TBX15: variants seen among roughly 807,000 people sequenced by gnomAD.
TBX15 encodes the protein T-box transcription factor 15, also known as T-box transcription factor TBX15.
A neutral mutation model predicts 53.9 loss-of-function variants in TBX15; 18 were observed. The ratio of observed to expected loss-of-function variants is 0.33; its 90% CI spans 0.23 to 0.49. The LOEUF is 0.49. TBX15 is among the 20% of genes least tolerant of loss of function. TBX15 has a pLI of 0.98. For synonymous variants in TBX15, 295 were observed against 278.0 expected, an observed-to-expected ratio of 1.06 and a Z score of -0.61; for missense variants, 692 against 749.5, an observed-to-expected ratio of 0.92 and a Z score of 0.90.
chr1:118,930,088 AAGAGAGCTCC>A (rs1655731061), intron 2 of TBX15, among the ~76,000 whole-genome samples: 1 of 152,214 alleles, frequency 6.6e-6, no homozygotes, highest in Admixed American at 6.5e-5. Context: ...TGAGAGAAGG[AAGAGAGCTCC>A]AGAAAAGAAA....
chr1:118,953,802 G>T (rs61806207), intron 1 of TBX15, among the ~76,000 whole-genome samples: 1 of 152,216 alleles, frequency 6.6e-6, no homozygotes, highest in Non-Finnish European at 1.5e-5. Context: ...CCCCTACAAA[G>T]GTAGACATTA....
intron 1 of TBX15, among the ~76,000 whole-genome samples, chr1:118,981,265 C>A (rs1657636843): frequency 6.6e-6 from 1 of 151,672 alleles, no homozygotes; most frequent in Non-Finnish European, 1.5e-5. Flanking sequence ...AACTTTTGGC[C>A]TCCCAAATTT....
chr1:118,928,131 T>C (rs1655659979), intron 2 of TBX15, among the ~76,000 whole-genome samples: 1 of 152,174 alleles, frequency 6.6e-6, no homozygotes, highest in South Asian at 2.1e-4. Flanking sequence ...CACTCACTAC[T>C]CATCCAGGAG....
intron 1 of TBX15, 56 bp from the exon 2 acceptor site, chr1:118,931,888 T>C (rs1655799302): frequency 3.9e-6 from 6 of 1,520,706 alleles, no homozygotes; most frequent in Non-Finnish European, 5.3e-6. Context: ...CCCTCACCCA[T>C]GGCCCTAAAA....
chr1:118,908,160 C>T (rs928670090), intron 6 of TBX15, among the ~76,000 whole-genome samples: 1 of 152,146 alleles, frequency 6.6e-6, no homozygotes, highest in African/African-American at 2.4e-5. Flanking sequence ...TGGGATAGGG[C>T]TTTCTTTCTC....
At chr1:118,986,100 G>C (rs1376383613) in intron 1 of TBX15, among the ~76,000 whole-genome samples, 5 of 152,220 alleles carry the variant, frequency 3.3e-5, no homozygotes, top group Non-Finnish European at 5.9e-5. Flanking sequence ...TTCCGCCGTG[G>C]GGAAAATAAA....
Position 118,958,219 on chromosome 1 carries a change from C to A in TBX15, c.206-26387G>T, listed in dbSNP as rs531950751. On this transcript the variant is annotated intron_variant, in intron 1 of 7. Transcript: ENST00000369429. ...AGGGGTTGGTCCAGTGGGATTAGTG[C>A]CCCTATAAGAAGAGGCAGCAGAGAG... Among the ~76,000 whole-genome samples, 11 of 152,198 alleles carry A rather than the reference C, an allele frequency of 7.2e-5. No homozygotes were observed. The East Asian group carries it at 1.9e-3, about 27-fold the overall frequency.
At chr1:118,950,977 G>T (rs1656495474) in intron 1 of TBX15, among the ~76,000 whole-genome samples, 3 of 152,142 alleles carry the variant, frequency 2.0e-5, no homozygotes, top group Admixed American at 1.3e-4. Context: ...GGCATCTACT[G>T]CCCCCAAAAG....
At chr1:118,975,382 CCTCT>C (rs1190866769) in intron 1 of TBX15, among the ~76,000 whole-genome samples, 1 of 152,130 alleles carries the variant, frequency 6.6e-6, no homozygotes, top group Non-Finnish European at 1.5e-5. Flanking sequence ...CTATAAATAA[CCTCT>C]CTCTCATTCA....
chr1:118,981,303 TACAC>T (rs35594301), intron 1 of TBX15, among the ~76,000 whole-genome samples: 4,091 of 146,780 alleles, frequency 0.028, 156 homozygotes, highest in African/African-American at 0.087. Context: ...TTAAACTAGC[TACAC>T]ACACACACAC....
intron 5 of TBX15, among the ~76,000 whole-genome samples, chr1:118,916,163 A>T (rs548824520): frequency 6.6e-6 from 1 of 152,300 alleles, no homozygotes; most frequent in South Asian, 2.1e-4. Flanking sequence ...TTCCTCAAGG[A>T]GCTTATAATC....
chr1:118,979,072 G>A (rs73009558), intron 1 of TBX15, among the ~76,000 whole-genome samples: 1 of 152,296 alleles, frequency 6.6e-6, no homozygotes. Flanking sequence ...AAGCTTTGGA[G>A]CAAGGATGCA....
At chr1:118,923,879 G>A (rs1187578104) in intron 4 of TBX15, among the ~76,000 whole-genome samples, 2 of 152,154 alleles carry the variant, frequency 1.3e-5, no homozygotes, top group Non-Finnish European at 2.9e-5. Flanking sequence ...TAGTACCAAT[G>A]GACATGTCAC....
At chr1:118,974,699 T>A (rs1001942779) in intron 1 of TBX15, among the ~76,000 whole-genome samples, 1 of 152,184 alleles carries the variant, frequency 6.6e-6, no homozygotes, top group Non-Finnish European at 1.5e-5. Context: ...TGCAAATAAC[T>A]GCTACCATAC....
At chr1:118,916,646 C>T (rs1315583564) in intron 5 of TBX15, among the ~76,000 whole-genome samples, 1 of 152,018 alleles carries the variant, frequency 6.6e-6, no homozygotes, top group Non-Finnish European at 1.5e-5. Context: ...GATGGATTGC[C>T]TGAGCTCAGG....
intron 1 of TBX15, among the ~76,000 whole-genome samples, chr1:118,945,061 C>T (rs1033055218): frequency 5.3e-5 from 8 of 152,088 alleles, no homozygotes; most frequent in Admixed American, 1.3e-4. Flanking sequence ...GCTTGCAATA[C>T]GTAGCAGGGG....
At chr1:118,988,468 AGC>A (rs1657921742), upstream of TBX15, 1 of 152,342 alleles carries the variant, frequency 6.6e-6, no homozygotes, top group Non-Finnish European at 1.5e-5. Context: ...GCCAAAGCGC[AGC>A]GCCAGTCGTC....
At chr1:118,910,884 A>G (rs1655006755) in intron 6 of TBX15, among the ~76,000 whole-genome samples, 1 of 152,218 alleles carries the variant, frequency 6.6e-6, no homozygotes, top group Admixed American at 6.5e-5. Flanking sequence ...ACATGGGGAT[A>G]GAAAGTTGAT....
chr1:118,942,026 G>T (rs1656193306), intron 1 of TBX15, among the ~76,000 whole-genome samples: 1 of 152,188 alleles, frequency 6.6e-6, no homozygotes, highest in African/African-American at 2.4e-5. Flanking sequence ...AAAAGGTCCA[G>T]ACATACGAAT....
Sources: allele counts gnomAD v4.1 joint callset (sites outside exome capture counted in the v4.1 genomes callset), GRCh38; gene constraint gnomAD v4.1.1; transcripts MANE v1.5; gene names NCBI Gene and HGNC (gene_info 2026-07-23, HGNC 2026-07-21).